The following ZNF248 variants were observed in gnomAD, a reference collection of about 807,000 sequenced individuals.
ZNF248 encodes zinc finger protein 248.
ZNF248 carries 20 observed loss-of-function variants against 44.3 expected under a neutral mutation model. That is an observed-to-expected ratio of 0.45 (90% CI 0.32 to 0.66). ZNF248 has a LOEUF of 0.66. Ranked by LOEUF, ZNF248 falls within the 30% of genes least tolerant of loss-of-function variation. The pLI, the probability that ZNF248 is intolerant of heterozygous loss-of-function variation, is 0.04. For synonymous variants in ZNF248, 224 were observed against 229.0 expected (o/e 0.98, Z 0.20); for missense variants, 654 against 677.0 (o/e 0.97, Z 0.38).
chr10:37,837,481 TG>T (rs1276427265), intron 5 of ZNF248, 135 bp downstream of exon 5: 3 of 681,526 alleles, frequency 4.4e-6, no homozygotes, highest in Non-Finnish European at 7.4e-6. Flanking sequence ...GTGGGCCAAT[TG>T]TTTTTGATCA....
chr10:37,832,005 G>A lies in ZNF248; in HGVS notation c.1350C>T (p.Asn450=). The change falls in exon 6 of 6, where the codon AAC becomes AAT. Residue 450 remains asparagine (N), a synonymous_variant. Transcript: ENST00000395867. ...QCGKTFCVKS[N]LTEHQRTHTG... ...TGTGTGTTCTCTGATGTTCAGTGAG[G>A]TTTGACTTCACACAGAATGTTTTTC... The A allele has an allele frequency of 6.2e-7, 1 of 1,614,084 alleles. No homozygotes were observed. The highest frequency in any genetic ancestry group is 8.5e-7 in the Non-Finnish European group (1 of 1,179,954).
chr10:37,821,920 T>TGCCCAGAACCAGTTCTAC (rs1239564035), intron 6 of ZNF248, among the ~76,000 whole-genome samples: 1 of 152,202 alleles, frequency 6.6e-6, no homozygotes. Flanking sequence ...TCCAGTTCTC[T>TGCCCAGAACCAGTTCTAC]GCCCAGAACC....
At chr10:37,783,431 G>T (rs2047535676) in intron 6 of ZNF248, among the ~76,000 whole-genome samples, 1 of 152,084 alleles carries the variant, frequency 6.6e-6, no homozygotes, top group Admixed American at 6.5e-5. Context: ...AAAATATAGG[G>T]GTGAATCTTC....
Position 37,828,905 on chromosome 10 carries a change from T to C in ZNF248, c.*2710A>G. ...ACACATGTTGAAGGAGAGACATACC[T>C]GTGTAGTTCCAAAGGGAGTTTACTT... On this transcript the variant is annotated 3_prime_UTR_variant, in exon 6 of 6. Coordinates refer to ENST00000395867, the MANE Select transcript of ZNF248 (RefSeq NM_021045.3). 1 of 985,464 alleles carries C rather than the reference T, an allele frequency of 1.0e-6. No individual in the cohort carries two copies. Among genetic ancestry groups the C allele is most frequent in the Non-Finnish European group, 1.2e-6 (1 of 829,944 alleles). The allele number at this position is 985,464 out of a possible 1,614,324, so 61.0% of individuals were successfully genotyped here. A position where few individuals can be genotyped will look rare whatever the true frequency, so the allele number is the denominator to read the frequency against.
chr10:37,772,360 A>C (rs1334953242), downstream of ZNF248, among the ~76,000 whole-genome samples: 1 of 152,098 alleles, frequency 6.6e-6, no homozygotes, highest in Non-Finnish European at 1.5e-5. Flanking sequence ...AACTGTATGC[A>C]CTGTGTGTGT....
At position 37,830,456 on chromosome 10, in the gene ZNF248, G is replaced by A; in HGVS notation, c.*1159C>T. 1.0e-6 allele frequency: 1 copy of A among 985,342 alleles called. No homozygotes were observed. 61.0% of individuals were successfully genotyped at this position (985,342 alleles called of 1,614,324 possible). On this transcript the variant is annotated 3_prime_UTR_variant, in exon 6 of 6. Transcript: ENST00000395867. ...AGAGACTCCGGTAGTATTTAGAGTA[G>A]GACAGATTCAGAGGTAGTTAAAAAC...
At chr10:37,768,208 A>G in the ZNF248 span, among the ~76,000 whole-genome samples, 4 of 152,226 alleles carry the variant, frequency 2.6e-5, no homozygotes, top group Non-Finnish European at 5.9e-5. Context: ...ACAACATTAG[A>G]TAGATCAATG....
At chr10:37,828,712 A>G (rs1037879946), downstream of ZNF248, 3 of 985,266 alleles carry the variant, frequency 3.0e-6, no homozygotes, top group Admixed American at 6.1e-5. Flanking sequence ...ATTTAAGTAC[A>G]TAATAAAAAT....
intron 6 of ZNF248, among the ~76,000 whole-genome samples, chr10:37,808,813 A>C (rs2133353574): frequency 6.6e-6 from 1 of 152,316 alleles, no homozygotes; most frequent in Admixed American, 6.5e-5. Context: ...GTCGGTCTTT[A>C]AATGTTTGGT....
chr10:37,767,721 A>T, the ZNF248 span, among the ~76,000 whole-genome samples: 9 of 152,314 alleles, frequency 5.9e-5, no homozygotes, highest in African/African-American at 2.2e-4. Context: ...CATCAACTAA[A>T]GAGCAAAATA....
At chr10:37,826,322 CAT>C (rs2054384845), downstream of ZNF248, among the ~76,000 whole-genome samples, 1 of 152,122 alleles carries the variant, frequency 6.6e-6, no homozygotes, top group Non-Finnish European at 1.5e-5. Flanking sequence ...TGGAAAAACA[CAT>C]TTTCAGAGAG....
At position 37,831,432 on chromosome 10, in the gene ZNF248, T is replaced by C. The variant is rs958090438; in HGVS notation, c.*183A>G. On this transcript the variant is annotated 3_prime_UTR_variant, in exon 6 of 6. Coordinates refer to ENST00000395867, the MANE Select transcript of ZNF248 (RefSeq NM_021045.3). ...AGATAAATATTTTCACCATATTACT[T>C]AGATGAATAGAATTCCCCTCAGTAC... 4.0e-6 allele frequency: 6 copies of C among 1,485,510 alleles called. No individual in the cohort carries two copies. Among genetic ancestry groups the C allele is most frequent in the Admixed American group, 2.5e-5 (1 of 40,042 alleles). 92.0% of individuals were successfully genotyped at this position (1,485,510 alleles called of 1,614,324 possible).
At chr10:37,768,735 C>T in the ZNF248 span, among the ~76,000 whole-genome samples, 5 of 152,184 alleles carry the variant, frequency 3.3e-5, no homozygotes, top group African/African-American at 7.2e-5. Context: ...AGCAAACACA[C>T]TCAAATGCTA....
chr10:37,827,637 CGA>C (rs1389016608), downstream of ZNF248, among the ~76,000 whole-genome samples: 1 of 151,974 alleles, frequency 6.6e-6, no homozygotes, highest in East Asian at 1.9e-4. Context: ...AGTCACTGGA[CGA>C]GAGATGAAGA....
the ZNF248 span, among the ~76,000 whole-genome samples, chr10:37,771,458 T>C: frequency 6.6e-6 from 1 of 152,130 alleles, no homozygotes; most frequent in Non-Finnish European, 1.5e-5. Context: ...AATGAAGAGT[T>C]CATGTCCTTT....
At chr10:37,812,984 A>C (rs2051777282) in intron 6 of ZNF248, among the ~76,000 whole-genome samples, 1 of 151,900 alleles carries the variant, frequency 6.6e-6, no homozygotes. Flanking sequence ...TGACAGAGCC[A>C]ATCAAGGAAA....
the ZNF248 span, among the ~76,000 whole-genome samples, chr10:37,766,532 T>C: frequency 2.6e-5 from 4 of 152,162 alleles, no homozygotes; most frequent in Non-Finnish European, 4.4e-5. Flanking sequence ...AGTGGACCTC[T>C]AGCAAACTCC....
At chr10:37,816,153 G>T (rs192159339) in intron 6 of ZNF248, among the ~76,000 whole-genome samples, 20 of 152,178 alleles carry the variant, frequency 1.3e-4, no homozygotes, top group Admixed American at 1.2e-3. Context: ...TGCCAAGGAA[G>T]GGGGGATGAA....
At chr10:37,794,768 G>C (rs1259984600) in intron 6 of ZNF248, 1 of 159,570 alleles carries the variant, frequency 6.3e-6, no homozygotes, top group Non-Finnish European at 1.4e-5. Flanking sequence ...TGTGTTCTCT[G>C]ATGCACACTC....
Sources: allele counts gnomAD v4.1 joint callset (sites outside exome capture counted in the v4.1 genomes callset), GRCh38; gene constraint gnomAD v4.1.1; transcripts MANE v1.5; gene names NCBI Gene and HGNC (gene_info 2026-07-23, HGNC 2026-07-21).